Variants in FOXP2 observed in about 807,000 individuals in gnomAD.
FOXP2 encodes the protein forkhead box P2, also known as forkhead box protein P2.
In FOXP2, 12 loss-of-function variants were observed where a neutral mutation model predicts 115.8. The observed-to-expected ratio is 0.10, with a 90% confidence interval of 0.07 to 0.17. FOXP2 has a LOEUF of 0.17. Ranked by LOEUF, FOXP2 falls within the 10% of genes least tolerant of loss-of-function variation. FOXP2 has a pLI of 1.00. For synonymous variants in FOXP2, 328 were observed against 297.7 expected, an observed-to-expected ratio of 1.10 and a Z score of -1.05; for missense variants, 629 against 843.5, an observed-to-expected ratio of 0.75 and a Z score of 3.15.
At chr7:114,410,109 TTC>T (rs1482702091), upstream of FOXP2, among the ~76,000 whole-genome samples, 1 of 152,140 alleles carries the variant, frequency 6.6e-6, no homozygotes. Context: ...CCATATAGAC[TTC>T]TTTGTTCTCT....
intron 3 of FOXP2, among the ~76,000 whole-genome samples, chr7:114,544,474 G>C (rs1361108408): frequency 4.6e-5 from 7 of 152,110 alleles, no homozygotes; most frequent in Admixed American, 1.3e-4. Flanking sequence ...TAAGCATTTT[G>C]ATAACACAAA....
intron 2 of FOXP2, chr7:114,463,091 C>A: frequency 2.3e-6 from 1 of 427,994 alleles, no homozygotes; most frequent in Non-Finnish European, 4.7e-6. Context: ...TGCAGTGGTG[C>A]AATCATAACT....
chr7:114,287,721 A>G (rs952991521), intron 1 of FOXP2, among the ~76,000 whole-genome samples: 2 of 151,968 alleles, frequency 1.3e-5, no homozygotes, highest in Non-Finnish European at 2.9e-5. Context: ...GAAAAGTTTA[A>G]ACTTGCCAAA....
chr7:114,129,322 G>T (rs2129144981), intron 1 of FOXP2, among the ~76,000 whole-genome samples: 1 of 152,200 alleles, frequency 6.6e-6, no homozygotes, highest in Admixed American at 6.5e-5. Flanking sequence ...TTGCATGTTT[G>T]TCTTGCCATT....
intron 1 of FOXP2, among the ~76,000 whole-genome samples, chr7:114,148,174 A>T (rs1562981570): frequency 6.6e-6 from 1 of 152,102 alleles, no homozygotes. Context: ...AATTGCGGGG[A>T]TTGGGGGAAG....
intron 1 of FOXP2, among the ~76,000 whole-genome samples, chr7:114,280,171 A>G (rs1482024001): frequency 6.6e-6 from 1 of 151,926 alleles, no homozygotes. Context: ...TTGCTGGTGT[A>G]TTTTTTGAGC....
At chr7:114,408,954 T>C (rs1340452203) in intron 2 of FOXP2, among the ~76,000 whole-genome samples, 1 of 152,072 alleles carries the variant, frequency 6.6e-6, no homozygotes, top group African/African-American at 2.4e-5. Context: ...TCTCTTTTGC[T>C]GTAATTCTAT....
intron 2 of FOXP2, among the ~76,000 whole-genome samples, chr7:114,450,340 A>G (rs1212329666): frequency 1.3e-5 from 2 of 152,122 alleles, no homozygotes; most frequent in Non-Finnish European, 2.9e-5. Context: ...GAGACAGGCT[A>G]GGAAAGTGAT....
intron 1 of FOXP2, among the ~76,000 whole-genome samples, chr7:114,194,350 T>C (rs1009948855): frequency 3.3e-5 from 5 of 152,070 alleles, no homozygotes; most frequent in African/African-American, 9.6e-5. Context: ...AATTTTTAAA[T>C]CCTTTACCCT....
At chr7:114,649,485 G>C (rs970904130) in intron 8 of FOXP2, among the ~76,000 whole-genome samples, 1 of 151,968 alleles carries the variant, frequency 6.6e-6, no homozygotes, top group African/African-American at 2.4e-5. Flanking sequence ...TCTCATTCTT[G>C]ATTTATAAAT....
At chr7:114,283,229 T>C (rs1796383026) in intron 1 of FOXP2, among the ~76,000 whole-genome samples, 1 of 152,206 alleles carries the variant, frequency 6.6e-6, no homozygotes, top group Admixed American at 6.5e-5. Context: ...TAAATAATCC[T>C]TAGTTCTCAC....
chr7:114,541,387 G>A (rs1055890095), intron 3 of FOXP2, among the ~76,000 whole-genome samples: 4 of 151,948 alleles, frequency 2.6e-5, no homozygotes, highest in Admixed American at 6.6e-5. Flanking sequence ...AATCAAATTA[G>A]CATTGGATTT....
At chr7:114,469,355 A>T (rs2129229344) in intron 2 of FOXP2, among the ~76,000 whole-genome samples, 1 of 152,346 alleles carries the variant, frequency 6.6e-6, no homozygotes, top group Middle Eastern at 3.4e-3. Context: ...GCTGAAAACA[A>T]GAAAGTGCAA....
chr7:114,642,812 A>ATATATT lies in FOXP2; in HGVS notation c.989+190_989+191insATATTT, dbSNP rs1308357594. ...TATATATATATATATATATATATAT[A>ATATATT]TTTTTTTTTTTTTTTAGGCAGAGTC... On this transcript the variant is annotated intron_variant, in intron 7 of 16. Transcript: ENST00000350908. 2.3e-4 allele frequency among the ~76,000 whole-genome samples: 17 copies of ATATATT among 72,420 alleles called. 1 individual carries two copies. Among genetic ancestry groups the ATATATT allele is most frequent in the African/African-American group, 5.7e-4 (8 of 14,002 alleles). 47.5% of individuals were successfully genotyped at this position (72,420 alleles called of 152,430 possible).
At chr7:114,629,578 AC>A in intron 4 of FOXP2, 1 of 1,539,586 alleles carries the variant, frequency 6.5e-7, no homozygotes, top group South Asian at 1.2e-5. Context: ...GACTTTCTAT[AC>A]CCTTTTGTTT....
At position 114,147,668 on chromosome 7, in the gene FOXP2, G is replaced by A. The variant is rs186952012; in HGVS notation, c.-246-15276G>A. 2.3e-3 allele frequency among the ~76,000 whole-genome samples: 350 copies of A among 152,034 alleles called. 1 individual carries two copies. Among genetic ancestry groups the A allele is most frequent in the Admixed American group, 4.3e-3 (65 of 15,272 alleles). The stretch of plus-strand genomic sequence containing the variant: ...TGATCATTTGATACTAGTCTATAAA[G>A]CCAAAAAAGAAAAATAATTTAATTT... On this transcript the variant is annotated intron_variant, in intron 1 of 19. Transcript: ENST00000635638.
intron 2 of FOXP2, among the ~76,000 whole-genome samples, chr7:114,386,286 G>C (rs1323940062): frequency 3.3e-5 from 5 of 152,196 alleles, no homozygotes; most frequent in Admixed American, 3.3e-4. Context: ...CCCATACAAA[G>C]GGAGGGAACC....
chr7:114,272,151 G>A (rs533656483), intron 1 of FOXP2, among the ~76,000 whole-genome samples: 10 of 148,778 alleles, frequency 6.7e-5, no homozygotes, highest in East Asian at 3.9e-4. Flanking sequence ...TGATATGATC[G>A]TGTGATTCTT....
chr7:114,423,467 G>T (rs1793705404), intron 1 of FOXP2, among the ~76,000 whole-genome samples: 1 of 151,618 alleles, frequency 6.6e-6, no homozygotes, highest in African/African-American at 2.4e-5. Context: ...GTTATTTTCT[G>T]ATGTGGCTGA....
Sources: allele counts gnomAD v4.1 joint callset (sites outside exome capture counted in the v4.1 genomes callset), GRCh38; gene constraint gnomAD v4.1.1; transcripts MANE v1.5; gene names NCBI Gene and HGNC (gene_info 2026-07-23, HGNC 2026-07-21).